PPP3CC: variants seen among roughly 807,000 people sequenced by gnomAD.
PPP3CC encodes the protein protein phosphatase 3 catalytic subunit gamma, also known as serine/threonine-protein phosphatase 2B catalytic subunit gamma isoform.
In PPP3CC, 35 loss-of-function variants were observed where a neutral mutation model predicts 60.3. That is an observed-to-expected ratio of 0.58 (90% confidence interval 0.44 to 0.77). The LOEUF (loss-of-function observed/expected upper bound fraction) is 0.77, where lower values mean the gene tolerates loss of function less well. PPP3CC is among the 30% of genes least tolerant of loss of function. The pLI is 0.00. For missense variants in PPP3CC, 570 were observed against 628.9 expected (o/e 0.91, Z 1.00); for synonymous variants, 206 against 224.3 (o/e 0.92, Z 0.73).
chr8:22,498,403 CACTCT>C (rs1464064739), intron 4 of PPP3CC, among the ~76,000 whole-genome samples: 1 of 152,110 alleles, frequency 6.6e-6, no homozygotes, highest in Non-Finnish European at 1.5e-5. Context: ...AAGATCACGC[CACTCT>C]ACTCCAGCCT....
intron 10 of PPP3CC, chr8:22,531,395 A>C: frequency 7.0e-7 from 1 of 1,423,730 alleles, no homozygotes; most frequent in Non-Finnish European, 9.5e-7. Context: ...TATTGGTTAG[A>C]CTTAAAATTG....
Position 22,522,738 on chromosome 8 carries a change from A to C in PPP3CC, c.932A>C (p.Tyr311Ser). ...TCTGCCCCCAATTACCTAGATGTCT[A>C]TAACAATAAAGGTAAAGGAATCCAG... Reference protein sequence around the residue: ...IFSAPNYLDVYNNKAAVLKYE... With the variant: ...IFSAPNYLDVSNNKAAVLKYE... Residue 311 changes from tyrosine to serine, a missense_variant, in exon 8 of 14, where the codon TAT becomes TCT. Tyr to Ser is a moderately radical substitution (Grantham distance 144). Transcript: ENST00000240139. 6.3e-7 allele frequency: 1 copy of C among 1,575,410 alleles called. No homozygotes were observed. The highest frequency in any genetic ancestry group is 8.7e-7 in the Non-Finnish European group (1 of 1,145,364).
chr8:22,530,829 C>CAAACAAAAAAAAAAAAAAAA (rs1839691242), intron 10 of PPP3CC, among the ~76,000 whole-genome samples: 3 of 58,034 alleles, frequency 5.2e-5, no homozygotes, highest in African/African-American at 1.6e-4. Flanking sequence ...AGACTCATCT[C>CAAACAAAAAAAAAAAAAAAA]AAAAAAAAAA....
At chr8:22,481,371 A>ATAAT (rs1554533273) in intron 3 of PPP3CC, among the ~76,000 whole-genome samples, 32 of 148,610 alleles carry the variant, frequency 2.2e-4, no homozygotes, top group African/African-American at 7.9e-4. Flanking sequence ...AATAATAATA[A>ATAAT]TAATAATAAT....
chr8:22,446,594 T>TC (rs1167226107), intron 1 of PPP3CC, among the ~76,000 whole-genome samples: 117 of 152,118 alleles, frequency 7.7e-4, no homozygotes, highest in African/African-American at 2.7e-3. Context: ...GAAGCCGAGG[T>TC]GGGTGGATCA....
intron 6 of PPP3CC, among the ~76,000 whole-genome samples, chr8:22,515,870 T>C (rs2443506): frequency 0.46 from 70,488 of 151,784 alleles, 16,382 homozygotes; most frequent in East Asian, 0.55. Flanking sequence ...GTTATTAATC[T>C]CTTGTCAGAT....
intron 3 of PPP3CC, among the ~76,000 whole-genome samples, chr8:22,479,650 G>A (rs376099858): frequency 3.5e-4 from 53 of 151,532 alleles, no homozygotes; most frequent in African/African-American, 1.1e-3. Flanking sequence ...AGGCTGAGGC[G>A]GGAGAATGGC....
chr8:22,491,272 G>C (rs1022987174), intron 3 of PPP3CC, among the ~76,000 whole-genome samples: 15 of 152,152 alleles, frequency 9.9e-5, no homozygotes, highest in African/African-American at 3.6e-4. Flanking sequence ...CTTCAGAATG[G>C]CTGTGCAAGT....
intron 4 of PPP3CC, among the ~76,000 whole-genome samples, chr8:22,502,727 C>A (rs1018828377): frequency 5.9e-5 from 9 of 152,084 alleles, no homozygotes; most frequent in Non-Finnish European, 1.0e-4. Context: ...ATAATATGTA[C>A]TGATATGGAG....
intron 9 of PPP3CC, 86 bp downstream of exon 9, chr8:22,527,603 A>C (rs1054616092): frequency 4.0e-5 from 58 of 1,445,774 alleles, no homozygotes; most frequent in Non-Finnish European, 4.7e-6. Context: ...TGATTCAGAA[A>C]TGTTTTCTAA....
rs565423124 is a variant in PPP3CC at position 22,522,433 on chromosome 8, T to G, written c.771-58T>G. 382 of 1,380,736 alleles carry G rather than the reference T, an allele frequency of 2.8e-4. 8 individuals carry two copies. The South Asian group carries it at 4.6e-3, about 17-fold the overall frequency. 85.5% of individuals were successfully genotyped at this position (1,380,736 alleles called of 1,614,324 possible). On this transcript the variant is annotated intron_variant, in intron 6 of 13. Coordinates refer to ENST00000240139, the MANE Select transcript of PPP3CC (RefSeq NM_005605.5). ...ATATCACCTTGACTTTTCCCCATCT[T>G]CCTATTAAAAAAAATTGTTTTAATT...
In PPP3CC at chr8:22,498,002, G is replaced by A. The variant is rs1297290684; in HGVS notation, c.374G>A (p.Cys125Tyr). The A allele has an allele frequency of 2.5e-6, 4 of 1,600,888 alleles. No individual in the cohort carries two copies. Among genetic ancestry groups the A allele is most frequent in the Non-Finnish European group, 3.4e-6 (4 of 1,171,912 alleles). The change falls in exon 4 of 14, where the codon TGT (cysteine) becomes TAT (tyrosine). Residue 125 changes from cysteine (C) to tyrosine (Y), a missense_variant and splice_region_variant. Transcript: ENST00000240139. Reference protein sequence around the residue: ...YVDRGYFSIECVLYLWSLKIN... With the variant: ...YVDRGYFSIEYVLYLWSLKIN... ...TTTATGCTTGAATTTGTCTTGTAGT[G>A]TGTGCTGTATTTATGGAGTTTAAAG...
chr8:22,490,654 C>T (rs1051804003), intron 3 of PPP3CC, among the ~76,000 whole-genome samples: 1 of 148,012 alleles, frequency 6.8e-6, no homozygotes, highest in Admixed American at 6.9e-5. Context: ...TTCCTGTGTC[C>T]AAGTGTTCTC....
At chr8:22,527,631 A>G in intron 9 of PPP3CC, 114 bp downstream of exon 9, 1 of 1,308,922 alleles carries the variant, frequency 7.6e-7, no homozygotes, top group South Asian at 1.5e-5. Flanking sequence ...TGTTCTCTAC[A>G]TAGATTTTTT....
At chr8:22,519,140 C>T (rs2117111391) in intron 6 of PPP3CC, among the ~76,000 whole-genome samples, 1 of 152,120 alleles carries the variant, frequency 6.6e-6, no homozygotes, top group Non-Finnish European at 1.5e-5. Context: ...GACTTTTGTT[C>T]CCTCTTGTGA....
intron 2 of PPP3CC, 73 bp downstream of exon 2, chr8:22,475,224 A>G: frequency 7.2e-7 from 1 of 1,383,072 alleles, no homozygotes; most frequent in Non-Finnish European, 1.0e-6. Context: ...ATAATTACAA[A>G]TAACCAGCTA....
intron 1 of PPP3CC, among the ~76,000 whole-genome samples, chr8:22,462,583 T>G (rs1372545946): frequency 6.6e-6 from 1 of 151,818 alleles, no homozygotes; most frequent in Non-Finnish European, 1.5e-5. Flanking sequence ...TTCTTTTTTT[T>G]TTTTTGAGAC....
intron 1 of PPP3CC, among the ~76,000 whole-genome samples, chr8:22,451,523 A>G (rs964899775): frequency 6.6e-6 from 1 of 152,212 alleles, no homozygotes; most frequent in Non-Finnish European, 1.5e-5. Context: ...GTGCCAGATG[A>G]CACCACAAGT....
intron 4 of PPP3CC, among the ~76,000 whole-genome samples, chr8:22,502,454 A>T (rs979552440): frequency 6.6e-6 from 1 of 152,108 alleles, no homozygotes; most frequent in African/African-American, 2.4e-5. Context: ...GGAGGCCGAG[A>T]TGGGGGCATT....
Sources: allele counts gnomAD v4.1 joint callset (sites outside exome capture counted in the v4.1 genomes callset), GRCh38; gene constraint gnomAD v4.1.1; transcripts MANE v1.5; gene names NCBI Gene and HGNC (gene_info 2026-07-23, HGNC 2026-07-21).